The following MAPKAP1 variants were observed in gnomAD, a reference collection of about 807,000 sequenced individuals.
MAPKAP1 encodes the protein MAPK associated protein 1, also known as target of rapamycin complex 2 subunit MAPKAP1.
Under a neutral mutation model 65.7 loss-of-function variants are expected in MAPKAP1, and 20 were observed. The observed-to-expected ratio is 0.30, with a 90% CI of 0.21 to 0.44. The LOEUF is 0.44. Ranked by LOEUF, MAPKAP1 falls within the 20% of genes least tolerant of loss-of-function variation. The probability of loss-of-function intolerance (pLI) is 1.00; values close to 1 mark genes in which losing one functional copy is unlikely to be tolerated. For synonymous variants in MAPKAP1, 222 were observed against 244.3 expected (o/e 0.91, Z 0.85); for missense variants, 423 against 648.0 (o/e 0.65, Z 3.77).
intron 6 of MAPKAP1, among the ~76,000 whole-genome samples, chr9:125,557,932 C>T (rs1278826375): frequency 2.0e-5 from 3 of 152,228 alleles, no homozygotes; most frequent in Non-Finnish European, 2.9e-5. Context: ...TCTCAGCTAA[C>T]TGCTACCTCC....
chr9:125,469,685 A>G (rs193216513), intron 9 of MAPKAP1, among the ~76,000 whole-genome samples: 5 of 152,206 alleles, frequency 3.3e-5, no homozygotes, highest in African/African-American at 1.2e-4. Flanking sequence ...CATTAGACCT[A>G]TTTCAGGAAC....
chr9:125,611,093 CAACTTTTAAAGATTA>C (rs775564618), intron 4 of MAPKAP1, among the ~76,000 whole-genome samples: 13 of 152,156 alleles, frequency 8.5e-5, no homozygotes, highest in South Asian at 2.1e-4. Context: ...GAGTGAATGT[CAACTTTTAAAGATTA>C]AATAAAGCAT....
At chr9:125,488,614 G>A (rs758052388) in intron 8 of MAPKAP1, among the ~76,000 whole-genome samples, 8 of 152,196 alleles carry the variant, frequency 5.3e-5, no homozygotes, top group Admixed American at 2.6e-4. Context: ...CCAAAGTGCT[G>A]GGATTACAGG....
At chr9:125,701,384 T>C (rs1835591819) in intron 1 of MAPKAP1, among the ~76,000 whole-genome samples, 1 of 152,214 alleles carries the variant, frequency 6.6e-6, no homozygotes, top group African/African-American at 2.4e-5. Flanking sequence ...CCTCATTATT[T>C]ATCCAAAAAG....
chr9:125,458,784 A>T (rs200497109), intron 10 of MAPKAP1, among the ~76,000 whole-genome samples: 142 of 126,498 alleles, frequency 1.1e-3, no homozygotes, highest in East Asian at 2.3e-3. Context: ...CACATCCCAG[A>T]AGGGGCGGCC....
intron 5 of MAPKAP1, among the ~76,000 whole-genome samples, chr9:125,577,373 G>A (rs1427039272): frequency 4.7e-5 from 7 of 149,960 alleles, no homozygotes; most frequent in South Asian, 2.1e-4. Flanking sequence ...CAGCCACCCC[G>A]TCCGGGAGGG....
At chr9:125,667,996 A>G (rs1834390050) in intron 3 of MAPKAP1, among the ~76,000 whole-genome samples, 1 of 135,986 alleles carries the variant, frequency 7.4e-6, no homozygotes, top group Non-Finnish European at 1.7e-5. Flanking sequence ...GAGTAAAACT[A>G]GAGAGAAATT....
At chr9:125,575,609 C>G (rs555588694) in intron 5 of MAPKAP1, among the ~76,000 whole-genome samples, 2 of 152,302 alleles carry the variant, frequency 1.3e-5, no homozygotes, top group East Asian at 3.9e-4. Context: ...TATGAAGATG[C>G]TCAACATGAT....
intron 4 of MAPKAP1, among the ~76,000 whole-genome samples, chr9:125,590,621 G>A (rs1221647431): frequency 6.6e-6 from 1 of 151,722 alleles, no homozygotes; most frequent in African/African-American, 2.4e-5. Flanking sequence ...CTGCACTCCA[G>A]CCCGGGCAAC....
chr9:125,685,336 G>T (rs1288480098), intron 1 of MAPKAP1, among the ~76,000 whole-genome samples: 1 of 152,202 alleles, frequency 6.6e-6, no homozygotes, highest in Non-Finnish European at 1.5e-5. Flanking sequence ...ACCTGAAGGA[G>T]GTGAGAGAAC....
At chr9:125,560,689 GTATC>G (rs1830867743) in intron 5 of MAPKAP1, among the ~76,000 whole-genome samples, 1 of 152,238 alleles carries the variant, frequency 6.6e-6, no homozygotes, top group Admixed American at 6.5e-5. Flanking sequence ...TCTCTAAAGA[GTATC>G]TAAGTCAGTT....
chr9:125,671,998 T>C (rs1292976436), intron 2 of MAPKAP1, among the ~76,000 whole-genome samples: 1 of 152,180 alleles, frequency 6.6e-6, no homozygotes, highest in Non-Finnish European at 1.5e-5. Context: ...GGGACTAATG[T>C]TGCTGTGTGA....
rs1406564180 is a variant in MAPKAP1 at position 125,447,169 on chromosome 9, T to C, written c.1346-2571A>G. 6.6e-6 allele frequency among the ~76,000 whole-genome samples: 1 copy of C among 152,172 alleles called. No individual in the cohort carries two copies. The highest frequency in any genetic ancestry group is 1.5e-5 in the Non-Finnish European group (1 of 68,040). On this transcript the variant is annotated intron_variant, in intron 10 of 11. Transcript: ENST00000265960. The surrounding 1 kb of genome is among the most constrained non-coding windows in gnomAD (Gnocchi z 4.5). ...TGAATTTTGAATGTATTTGGTTGCA[T>C]GTGGAGGCTGTGTGTGTCTCCTGCC...
chr9:125,517,092 G>A (rs573497092), intron 7 of MAPKAP1, among the ~76,000 whole-genome samples: 5 of 152,178 alleles, frequency 3.3e-5, no homozygotes, highest in Non-Finnish European at 7.3e-5. Context: ...TGTACCCACG[G>A]TGAGGCCAGG....
chr9:125,531,944 G>A lies in MAPKAP1; in HGVS notation c.958+11115C>T, dbSNP rs561653013. Among the ~76,000 whole-genome samples the A allele has an allele frequency of 3.3e-5, 5 of 152,176 alleles. No individual in the cohort carries two copies. The East Asian group carries it at 9.6e-4, about 29-fold the overall frequency. On this transcript the variant is annotated intron_variant, in intron 7 of 11. Coordinates refer to ENST00000265960, the MANE Select transcript of MAPKAP1 (RefSeq NM_001006617.3). Reference sequence around the variant, plus strand: ...TTTACATGCAATATACACACAAATTGTACAAATACAATTTGACAGTCTGAC... The same window carrying A: ...TTTACATGCAATATACACACAAATTATACAAATACAATTTGACAGTCTGAC...
chr9:125,562,947 G>A (rs2131512815), intron 5 of MAPKAP1, among the ~76,000 whole-genome samples: 1 of 152,264 alleles, frequency 6.6e-6, no homozygotes, highest in South Asian at 2.1e-4. Flanking sequence ...GACTTCCTGA[G>A]GCACTTGAGA....
chr9:125,520,732 C>T (rs1829594301), intron 7 of MAPKAP1, among the ~76,000 whole-genome samples: 1 of 152,190 alleles, frequency 6.6e-6, no homozygotes, highest in African/African-American at 2.4e-5. Context: ...GCCCATCCTG[C>T]TTAGTTACCA....
intron 5 of MAPKAP1, among the ~76,000 whole-genome samples, chr9:125,560,904 A>T (rs1830873524): frequency 6.6e-6 from 1 of 152,216 alleles, no homozygotes; most frequent in African/African-American, 2.4e-5. Context: ...TAAAAAGTTG[A>T]TCTGTTCAAA....
Position 125,587,049 on chromosome 9 carries a change from T to C in MAPKAP1, c.499-1322A>G, listed in dbSNP as rs577184019. ...AACAAATGATGCTGGGACAAGTGGA[T>C]AGCCACATGCAAAAGAATGAATTTG... On this transcript the variant is annotated intron_variant, in intron 4 of 11. Coordinates refer to ENST00000265960, the MANE Select transcript of MAPKAP1 (RefSeq NM_001006617.3). Among the ~76,000 whole-genome samples the C allele has an allele frequency of 3.9e-5, 6 of 152,326 alleles. No individual in the cohort carries two copies. The East Asian group carries it at 5.8e-4, about 15-fold the overall frequency.
Sources: gnomAD v4.1 joint callset for allele counts (sites outside exome capture counted in the v4.1 genomes callset) on GRCh38, gnomAD v4.1.1 for gene constraint, Gnocchi (gnomAD v3.1) non-coding constraint, MANE v1.5 for transcripts, NCBI Gene and HGNC (gene_info 2026-07-23, HGNC 2026-07-21) for gene names.